The following CLASP1 variants were observed in gnomAD, a reference collection of about 807,000 sequenced individuals.
The protein encoded by CLASP1 is CLIP-associating protein 1.
In CLASP1, 38 loss-of-function variants were observed where a neutral mutation model predicts 192.3. That is an observed-to-expected ratio of 0.20 (90% confidence interval 0.15 to 0.26). CLASP1 has a LOEUF of 0.26. Ranked by LOEUF, CLASP1 falls within the 10% of genes least tolerant of loss-of-function variation. CLASP1 has a pLI of 1.00. For synonymous variants in CLASP1, 691 were observed against 712.8 expected, an observed-to-expected ratio of 0.97 and a Z score of 0.49; for missense variants, 1,433 against 1,932.5, an observed-to-expected ratio of 0.74 and a Z score of 4.85.
intron 2 of CLASP1, among the ~76,000 whole-genome samples, chr2:121,601,904 G>A (rs1418456879): frequency 6.6e-6 from 1 of 152,120 alleles, no homozygotes; most frequent in African/African-American, 2.4e-5. Flanking sequence ...GCCGAGCACA[G>A]TGGCTCACGA....
chr2:121,530,902 C>T lies in CLASP1; in HGVS notation c.196-577G>A, dbSNP rs144448852. 2.9e-3 allele frequency: 2,034 copies of T among 695,470 alleles called. 5 individuals carry two copies. Among genetic ancestry groups the T allele is most frequent in the Middle Eastern group, 4.1e-3 (11 of 2,714 alleles). The allele number at this position is 695,470 out of a possible 1,614,324, so 43.1% of individuals were successfully genotyped here. ...TATAACCATCCTTTTCTTGGGGTTG[C>T]GCTACTGTCCAATGAGCGCATAGTG... On this transcript the variant is annotated intron_variant, in intron 2 of 39. Transcript: ENST00000263710.
rs1210818254 is a variant in CLASP1 at position 121,522,649 on chromosome 2, G to A, written c.546+3196C>T. Reference sequence around the variant, plus strand: ...AATGTACTACTTTTGTTTTTCGGTTGTATTATTATTATTATTCCCCATAAT... The same window carrying A: ...AATGTACTACTTTTGTTTTTCGGTTATATTATTATTATTATTCCCCATAAT... On this transcript the variant is annotated intron_variant, in intron 6 of 39. Transcript: ENST00000263710. Among the ~76,000 whole-genome samples, 61 of 151,918 alleles carry A rather than the reference G, an allele frequency of 4.0e-4. 2 individuals carry two copies. Among genetic ancestry groups the A allele is most frequent in the Non-Finnish European group, 4.4e-5 (3 of 67,968 alleles).
chr2:121,577,099 G>T (rs1156514055), intron 2 of CLASP1, among the ~76,000 whole-genome samples: 2 of 152,124 alleles, frequency 1.3e-5, no homozygotes, highest in African/African-American at 2.4e-5. Flanking sequence ...AAATTCTCCA[G>T]GGGACTGGGG....
At chr2:121,629,117 C>T (rs2068960843) in intron 1 of CLASP1, among the ~76,000 whole-genome samples, 1 of 152,054 alleles carries the variant, frequency 6.6e-6, no homozygotes, top group Non-Finnish European at 1.5e-5. Flanking sequence ...TCTTGCCGGG[C>T]GCGGTGTCTC....
rs147754340 is a variant in CLASP1 at position 121,473,832 on chromosome 2, T to C, written c.713-3872A>G. Among the ~76,000 whole-genome samples, 353 of 152,258 alleles carry C rather than the reference T, an allele frequency of 2.3e-3. 1 individual carries two copies. Among genetic ancestry groups the C allele is most frequent in the African/African-American group, 7.3e-3 (304 of 41,548 alleles). On this transcript the variant is annotated intron_variant, in intron 8 of 39. Transcript: ENST00000263710. ...CTTGAAAATGGTATTCACCTAGAAGTACCCTAGAATTCTATATCCAGTGAA... is the reference window on the plus strand; with the variant it reads ...CTTGAAAATGGTATTCACCTAGAAGCACCCTAGAATTCTATATCCAGTGAA...
At chr2:121,401,757 G>T in intron 27 of CLASP1, 85 bp from the exon 29 acceptor site, 1 of 1,180,688 alleles carries the variant, frequency 8.5e-7, no homozygotes, top group Non-Finnish European at 1.3e-6. Context: ...ATGCCCATAC[G>T]TGCTTTGCCC....
chr2:121,522,552 T>C (rs574688972), intron 6 of CLASP1, among the ~76,000 whole-genome samples: 1 of 152,260 alleles, frequency 6.6e-6, no homozygotes, highest in South Asian at 2.1e-4. Context: ...ATCTCTCTGC[T>C]TCTTCATAAA....
At chr2:121,516,378 C>A (rs7566558) in intron 6 of CLASP1, among the ~76,000 whole-genome samples, 1 of 152,078 alleles carries the variant, frequency 6.6e-6, no homozygotes, top group Non-Finnish European at 1.5e-5. Context: ...GAAACCACTG[C>A]GAAGTGCTTG....
chr2:121,484,193 TTGA>T (rs1373207307), intron 8 of CLASP1, among the ~76,000 whole-genome samples: 1 of 152,212 alleles, frequency 6.6e-6, no homozygotes, highest in Non-Finnish European at 1.5e-5. Context: ...AAGTACCTAT[TTGA>T]TAACTGTCCT....
chr2:121,404,468 C>T (rs556952646), intron 25 of CLASP1, 34 bp from the exon 27 acceptor site: 43 of 1,564,038 alleles, frequency 2.7e-5, no homozygotes, highest in Non-Finnish European at 3.1e-5. Context: ...AATGAATTTA[C>T]TACTTTTATT....
chr2:121,462,637 T>C, intron 9 of CLASP1, 32 bp from the exon 10 acceptor site: 2 of 1,336,684 alleles, frequency 1.5e-6, no homozygotes, highest in Non-Finnish European at 2.1e-6. Context: ...ATGTAAACAA[T>C]ATGAAACAAC....
intron 14 of CLASP1, 53 bp from the exon 15 acceptor site, chr2:121,451,902 G>A: frequency 1.5e-6 from 2 of 1,302,750 alleles, no homozygotes; most frequent in Non-Finnish European, 2.2e-6. Context: ...TAGTGAAAAT[G>A]AAAACGGCAT....
chr2:121,367,438 G>C (rs1358911693), intron 35 of CLASP1, 150 bp downstream of exon 36: 4 of 1,034,636 alleles, frequency 3.9e-6, no homozygotes, highest in Non-Finnish European at 5.6e-6. Context: ...TAGGGATTCA[G>C]TTAAGTAGTG....
chr2:121,442,618 T>C (rs2149738787), intron 19 of CLASP1, among the ~76,000 whole-genome samples: 1 of 152,210 alleles, frequency 6.6e-6, no homozygotes, highest in Middle Eastern at 3.4e-3. Flanking sequence ...TAGCTGGGAC[T>C]AGAGGCACAC....
intron 2 of CLASP1, among the ~76,000 whole-genome samples, chr2:121,556,899 T>C (rs1181928445): frequency 1.3e-5 from 2 of 152,222 alleles, no homozygotes; most frequent in East Asian, 1.9e-4. Context: ...TAAAGCACCA[T>C]GCAAACAGCA....
chr2:121,538,802 A>G (rs1403281702), intron 2 of CLASP1, among the ~76,000 whole-genome samples: 4 of 152,038 alleles, frequency 2.6e-5, no homozygotes, highest in Non-Finnish European at 4.4e-5. Flanking sequence ...AAAAAACTAC[A>G]AGATCTAAAG....
intron 14 of CLASP1, 68 bp downstream of exon 14, chr2:121,457,619 A>C: frequency 1.7e-6 from 2 of 1,199,320 alleles, no homozygotes; most frequent in Non-Finnish European, 2.5e-6. Flanking sequence ...TATCCATGGA[A>C]GGAGATTTGG....
intron 19 of CLASP1, among the ~76,000 whole-genome samples, 188 bp downstream of exon 19, chr2:121,447,149 C>T (rs1306991115): frequency 1.3e-5 from 2 of 152,120 alleles, no homozygotes; most frequent in Non-Finnish European, 2.9e-5. Context: ...GATGATGCAT[C>T]GAAGAAAGGG....
At chr2:121,413,404 A>G (rs370360021) in intron 23 of CLASP1, among the ~76,000 whole-genome samples, 3 of 152,246 alleles carry the variant, frequency 2.0e-5, no homozygotes, top group Non-Finnish European at 2.9e-5. Context: ...GCCTTACTCA[A>G]TTGAGAAAAT....
Sources: allele counts gnomAD v4.1 joint callset (sites outside exome capture counted in the v4.1 genomes callset), GRCh38; gene constraint gnomAD v4.1.1; transcripts MANE v1.5; gene names NCBI Gene and HGNC (gene_info 2026-07-23, HGNC 2026-07-21).